Variants in UGGT2 observed in about 807,000 individuals in gnomAD.
UGGT2 encodes UDP-glucose glycoprotein glucosyltransferase 2, also known as UDP-glucose:glycoprotein glucosyltransferase 2.
A neutral mutation model predicts 192.1 loss-of-function variants in UGGT2; 180 were observed. The ratio of observed to expected loss-of-function variants is 0.94; its 90% CI spans 0.83 to 1.06. The LOEUF is 1.06. Ranked by LOEUF, UGGT2 falls within the 50% of genes least tolerant of loss-of-function variation. UGGT2 has a pLI of 0.00. For missense variants in UGGT2, 1,849 were observed against 1,795.7 expected, an observed-to-expected ratio of 1.03 and a Z score of -0.54; for synonymous variants, 580 against 591.0, an observed-to-expected ratio of 0.98 and a Z score of 0.27.
At chr13:95,925,369 G>A (rs942601210) in intron 20 of UGGT2, among the ~76,000 whole-genome samples, 157 of 152,238 alleles carry the variant, frequency 1.0e-3, no homozygotes, top group Non-Finnish European at 1.8e-4. Flanking sequence ...TGGATTTCGG[G>A]TCACTGAAGT....
chr13:95,828,280 C>T (rs936470633), intron 38 of UGGT2, among the ~76,000 whole-genome samples: 12 of 152,136 alleles, frequency 7.9e-5, no homozygotes, highest in Non-Finnish European at 1.6e-4. Context: ...CAAGAGCAAA[C>T]GCATCCAAAA....
At chr13:96,017,874 A>C (rs1279268533) in intron 4 of UGGT2, among the ~76,000 whole-genome samples, 1 of 152,230 alleles carries the variant, frequency 6.6e-6, no homozygotes, top group Non-Finnish European at 1.5e-5. Context: ...AAGCCACAAA[A>C]AAGATGGTCA....
intron 12 of UGGT2, among the ~76,000 whole-genome samples, chr13:95,960,480 A>T (rs570313432): frequency 1.8e-4 from 27 of 152,322 alleles, no homozygotes; most frequent in Non-Finnish European, 3.7e-4. Context: ...TTTTAAGACA[A>T]GACTTTTGAA....
chr13:95,952,837 T>C (rs1475259521), intron 12 of UGGT2, among the ~76,000 whole-genome samples: 1 of 152,174 alleles, frequency 6.6e-6, no homozygotes, highest in Non-Finnish European at 1.5e-5. Context: ...AAATTCTCCA[T>C]ACTCATGTGG....
intron 27 of UGGT2, among the ~76,000 whole-genome samples, chr13:95,884,187 G>A (rs562969010): frequency 6.6e-5 from 10 of 152,078 alleles, no homozygotes; most frequent in African/African-American, 1.7e-4. Flanking sequence ...GTTGCCAGGT[G>A]TTCCTCTCTA....
chr13:95,818,896 C>T (rs1885207945), intron 38 of UGGT2, among the ~76,000 whole-genome samples: 1 of 152,160 alleles, frequency 6.6e-6, no homozygotes, highest in African/African-American at 2.4e-5. Flanking sequence ...GAAGAGTTAC[C>T]TCTAGGCCTT....
intron 5 of UGGT2, among the ~76,000 whole-genome samples, chr13:96,011,956 C>A (rs1054000032): frequency 6.6e-6 from 1 of 152,048 alleles, no homozygotes; most frequent in African/African-American, 2.4e-5. Context: ...ACCTGGCCAA[C>A]TAATTCTAAA....
At chr13:96,018,470 T>C (rs1457218649) in intron 4 of UGGT2, among the ~76,000 whole-genome samples, 1 of 152,042 alleles carries the variant, frequency 6.6e-6, no homozygotes, top group Non-Finnish European at 1.5e-5. Flanking sequence ...AAGCCAAGAC[T>C]GCACCACTGC....
chr13:95,897,788 T>C (rs2047989194), intron 22 of UGGT2, among the ~76,000 whole-genome samples: 2 of 152,196 alleles, frequency 1.3e-5, no homozygotes, highest in African/African-American at 4.8e-5. Flanking sequence ...TAATTGAAAT[T>C]ACATTTTTCC....
chr13:96,022,531 C>A (rs1309523217), intron 4 of UGGT2, among the ~76,000 whole-genome samples: 2 of 151,316 alleles, frequency 1.3e-5, no homozygotes, highest in Admixed American at 1.3e-4. Flanking sequence ...AAAAAAACTA[C>A]TTTATTATTT....
chr13:95,863,658 T>A lies in UGGT2; in HGVS notation c.3615A>T (p.Lys1205Asn). 1 of 1,612,634 alleles carries A rather than the reference T, an allele frequency of 6.2e-7. No individual in the cohort carries two copies. Residue 1205 changes from lysine (K) to asparagine (N), a missense_variant, in exon 31 of 39, where the codon AAA becomes AAT. Coordinates refer to ENST00000376747, the MANE Select transcript of UGGT2 (RefSeq NM_020121.4). ...TAATGGAATCCCACAGTCCTTTTGT[T>A]TTTTCATCTTCATCGGTAAGGATAT... ...KEDILTDEDE[K>N]TKGLWDSIKS...
chr13:95,972,764 GTAAA>G, intron 10 of UGGT2, 93 bp from the exon 11 acceptor site: 1 of 962,658 alleles, frequency 1.0e-6, no homozygotes, highest in Non-Finnish European at 1.6e-6. Flanking sequence ...GAGTCAGAGA[GTAAA>G]TATTTTAGGT....
At chr13:95,884,714 C>A in intron 26 of UGGT2, 34 bp from the exon 27 acceptor site, 1 of 1,538,000 alleles carries the variant, frequency 6.5e-7, no homozygotes, top group Non-Finnish European at 8.8e-7. Context: ...ATAATGTGAC[C>A]AAAACTGAGA....
intron 7 of UGGT2, 37 bp downstream of exon 7, chr13:95,996,026 G>A: frequency 1.3e-6 from 2 of 1,564,078 alleles, no homozygotes; most frequent in Non-Finnish European, 1.8e-6. Context: ...AAACCAATGG[G>A]TATAATAATA....
At chr13:95,823,468 G>A (rs1885701936) in intron 38 of UGGT2, among the ~76,000 whole-genome samples, 1 of 151,996 alleles carries the variant, frequency 6.6e-6, no homozygotes, top group African/African-American at 2.4e-5. Context: ...TATAAATTTA[G>A]TATTATAGTA....
chr13:95,832,730 C>A, intron 38 of UGGT2, 197 bp downstream of exon 38: 1 of 721,550 alleles, frequency 1.4e-6, no homozygotes, highest in Non-Finnish European at 2.4e-6. Flanking sequence ...GAAGCTGTAT[C>A]CATGGGGAAA....
At chr13:95,909,698 C>T (rs2048414807) in intron 20 of UGGT2, among the ~76,000 whole-genome samples, 1 of 137,630 alleles carries the variant, frequency 7.3e-6, no homozygotes, top group Non-Finnish European at 1.5e-5. Context: ...CACATGTATA[C>T]ATATGTAACT....
At chr13:95,802,722 C>T (rs1884116577) in intron 38 of UGGT2, among the ~76,000 whole-genome samples, 1 of 152,190 alleles carries the variant, frequency 6.6e-6, no homozygotes, top group Non-Finnish European at 1.5e-5. Flanking sequence ...AAAGGGCCGT[C>T]CGTGGAAAAT....
chr13:96,044,573 T>G (rs1192171933), intron 1 of UGGT2, among the ~76,000 whole-genome samples: 2 of 152,040 alleles, frequency 1.3e-5, no homozygotes, highest in Admixed American at 6.6e-5. Context: ...GCTAGTTCTT[T>G]GAAAAGATAA....
Sources: allele counts gnomAD v4.1 joint callset (sites outside exome capture counted in the v4.1 genomes callset), GRCh38; gene constraint gnomAD v4.1.1; transcripts MANE v1.5; gene names NCBI Gene and HGNC (gene_info 2026-07-23, HGNC 2026-07-21).